The following RCAN1 variants were observed in gnomAD, a reference collection of about 807,000 sequenced individuals.
RCAN1 encodes regulator of calcineurin 1.
In RCAN1, 11 loss-of-function variants were observed where a neutral mutation model predicts 22.9. The ratio of observed to expected loss-of-function variants is 0.48; its 90% confidence interval spans 0.30 to 0.79. The LOEUF is 0.79. RCAN1 is among the 30% of genes least tolerant of loss of function. The pLI, the probability that RCAN1 is intolerant of heterozygous loss-of-function variation, is 0.06. For missense variants in RCAN1, 291 were observed against 337.8 expected (o/e 0.86, Z 1.09); for synonymous variants, 136 against 142.3 (o/e 0.96, Z 0.32).
intron 1 of RCAN1, among the ~76,000 whole-genome samples, chr21:34,526,109 T>C (rs185704628): frequency 6.6e-6 from 1 of 152,290 alleles, no homozygotes; most frequent in Non-Finnish European, 1.5e-5. Context: ...ATTAAAATGA[T>C]TATATTAATC....
intron 1 of RCAN1, among the ~76,000 whole-genome samples, chr21:34,541,616 T>C (rs1048816227): frequency 2.6e-5 from 4 of 152,254 alleles, no homozygotes; most frequent in African/African-American, 9.6e-5. Flanking sequence ...AAATCCTACC[T>C]TTGCATATTT....
At chr21:34,543,243 A>G (rs56387317) in intron 1 of RCAN1, among the ~76,000 whole-genome samples, 36,343 of 152,150 alleles carry the variant, frequency 0.24, 5,047 homozygotes, top group African/African-American at 0.38. Flanking sequence ...TGCAGGTGTG[A>G]CTAAGCTAAG....
chr21:34,569,445 C>T (rs1987157437), intron 1 of RCAN1, among the ~76,000 whole-genome samples: 2 of 152,178 alleles, frequency 1.3e-5, no homozygotes, highest in African/African-American at 4.8e-5. Context: ...CTAACAAACG[C>T]ACCTTTCTTC....
At chr21:34,540,405 A>T (rs1170597317) in intron 1 of RCAN1, among the ~76,000 whole-genome samples, 1 of 152,186 alleles carries the variant, frequency 6.6e-6, no homozygotes, top group Admixed American at 6.5e-5. Flanking sequence ...GACTGGGATT[A>T]AGGGCAGACT....
chr21:34,562,632 T>C (rs962634139), intron 1 of RCAN1, among the ~76,000 whole-genome samples: 1 of 152,172 alleles, frequency 6.6e-6, no homozygotes, highest in African/African-American at 2.4e-5. Flanking sequence ...AATTCTCCAT[T>C]GTCAACGGTG....
intron 1 of RCAN1, among the ~76,000 whole-genome samples, chr21:34,574,125 C>A (rs985614057): frequency 1.3e-5 from 2 of 152,206 alleles, no homozygotes; most frequent in Admixed American, 6.5e-5. Flanking sequence ...GACACATCCA[C>A]AAAGCATTTC....
chr21:34,592,625 G>A (rs182605650), intron 1 of RCAN1, among the ~76,000 whole-genome samples: 41 of 152,220 alleles, frequency 2.7e-4, no homozygotes, highest in East Asian at 1.7e-3. Flanking sequence ...ACTCTACGCC[G>A]GGACTCCAGT....
intron 1 of RCAN1, among the ~76,000 whole-genome samples, chr21:34,584,410 C>A (rs553884798): frequency 6.6e-6 from 1 of 150,962 alleles, no homozygotes; most frequent in South Asian, 2.1e-4. Context: ...ACAGATGTCA[C>A]CATGGTTAAA....
At position 34,614,518 on chromosome 21, in the gene RCAN1, C is replaced by T. The variant is rs572951830; in HGVS notation, c.252+242G>A. 7 of 1,043,358 alleles carry T rather than the reference C, an allele frequency of 6.7e-6. No individual in the cohort carries two copies. The highest frequency in any genetic ancestry group is 5.8e-6 in the Non-Finnish European group (5 of 865,628). 64.6% of individuals were successfully genotyped at this position (1,043,358 alleles called of 1,614,324 possible). A position where few individuals can be genotyped will look rare whatever the true frequency, so the allele number is the denominator to read the frequency against. On this transcript the variant is annotated intron_variant, in intron 1 of 3. Coordinates refer to ENST00000313806, the MANE Select transcript of RCAN1 (RefSeq NM_004414.7). The surrounding 1 kb of genome is among the most constrained non-coding windows in gnomAD (Gnocchi z 6.0). ...CACCAGCCTGGGCGCACACGGGGGC[C>T]GGGGCGAGCCTGTGGGACTCTGCAG... is the stretch of plus-strand genomic sequence containing the variant.
intron 1 of RCAN1, among the ~76,000 whole-genome samples, chr21:34,580,195 A>G (rs1454878288): frequency 1.3e-5 from 1 of 78,766 alleles, no homozygotes; most frequent in Non-Finnish European, 3.0e-5. Context: ...CCAGCTTTAG[A>G]GCATCAGGAA....
intron 1 of RCAN1, among the ~76,000 whole-genome samples, chr21:34,533,210 T>C (rs946795380): frequency 7.2e-5 from 11 of 152,178 alleles, no homozygotes; most frequent in African/African-American, 2.7e-4. Context: ...TCTGCCTGCG[T>C]TGGCCTCCCA....
intron 1 of RCAN1, among the ~76,000 whole-genome samples, chr21:34,541,255 T>C (rs555871449): frequency 6.6e-6 from 1 of 152,246 alleles, no homozygotes; most frequent in South Asian, 2.1e-4. Context: ...CAACCTCCAA[T>C]TGGTCCAGTT....
intron 1 of RCAN1, among the ~76,000 whole-genome samples, chr21:34,605,218 A>G (rs1025416723): frequency 3.0e-4 from 46 of 152,288 alleles, no homozygotes; most frequent in African/African-American, 1.1e-3. Flanking sequence ...ATGTGAAAAG[A>G]CTAAACTGGC....
At chr21:34,522,584 G>A (rs988413836) in intron 2 of RCAN1, 3 of 152,160 alleles carry the variant, frequency 2.0e-5, no homozygotes, top group Non-Finnish European at 4.4e-5. Flanking sequence ...GAAGGGCCCA[G>A]CAAGTTCGCT....
intron 1 of RCAN1, among the ~76,000 whole-genome samples, chr21:34,593,017 A>G (rs902794754): frequency 3.3e-5 from 5 of 152,224 alleles, no homozygotes; most frequent in Admixed American, 2.6e-4. Context: ...GTTATGTGTC[A>G]ATGCAGTGCA....
chr21:34,521,170 G>A, intron 3 of RCAN1: 6 of 1,355,784 alleles, frequency 4.4e-6, no homozygotes, highest in African/African-American at 1.5e-5. Flanking sequence ...CCTATCCGGA[G>A]CGACAGAACC....
chr21:34,527,728 A>T (rs895261222), intron 1 of RCAN1, among the ~76,000 whole-genome samples: 1 of 152,208 alleles, frequency 6.6e-6, no homozygotes, highest in Non-Finnish European at 1.5e-5. Context: ...AATTTTTGCC[A>T]TCAGACCTTG....
chr21:34,574,698 G>A (rs1987351609), intron 1 of RCAN1, among the ~76,000 whole-genome samples: 1 of 152,238 alleles, frequency 6.6e-6, no homozygotes, highest in Non-Finnish European at 1.5e-5. Context: ...ATCCAAATAT[G>A]AAGTAAAACG....
chr21:34,570,714 C>T (rs561296220), intron 1 of RCAN1, among the ~76,000 whole-genome samples: 21 of 150,836 alleles, frequency 1.4e-4, no homozygotes, highest in East Asian at 7.8e-4. Flanking sequence ...AGTAACACTA[C>T]GATAAACCAA....
Sources: gnomAD v4.1 joint callset for allele counts (sites outside exome capture counted in the v4.1 genomes callset) on GRCh38, gnomAD v4.1.1 for gene constraint, Gnocchi (gnomAD v3.1) non-coding constraint, MANE v1.5 for transcripts, NCBI Gene and HGNC (gene_info 2026-07-23, HGNC 2026-07-21) for gene names.